Variants in SYCP1 observed in about 807,000 individuals in gnomAD.
The protein encoded by SYCP1 is synaptonemal complex protein 1.
In SYCP1, 64 loss-of-function variants were observed where a neutral mutation model predicts 153.1. The ratio of observed to expected loss-of-function variants is 0.42; its 90% CI spans 0.34 to 0.51. The LOEUF (loss-of-function observed/expected upper bound fraction) is 0.51. Ranked by LOEUF, SYCP1 falls within the 20% of genes least tolerant of loss-of-function variation. The pLI, the probability that SYCP1 is intolerant of heterozygous loss-of-function variation, is 0.06. For missense variants in SYCP1, 997 were observed against 1,049.0 expected, an observed-to-expected ratio of 0.95 and a Z score of 0.68; for synonymous variants, 384 against 341.8, an observed-to-expected ratio of 1.12 and a Z score of -1.36.
At chr1:114,946,881 A>C (rs1015620617) in intron 26 of SYCP1, among the ~76,000 whole-genome samples, 2 of 152,098 alleles carry the variant, frequency 1.3e-5, no homozygotes, top group African/African-American at 4.8e-5. Flanking sequence ...CTGGGACTAC[A>C]GGTGTGCATC....
intron 8 of SYCP1, among the ~76,000 whole-genome samples, chr1:114,866,896 C>A (rs1664784618): frequency 6.7e-6 from 1 of 148,896 alleles, no homozygotes; most frequent in African/African-American, 2.4e-5. Context: ...GATCTGTGTC[C>A]AGATTCTTTT....
chr1:114,938,269 C>G (rs1670156627), intron 23 of SYCP1, among the ~76,000 whole-genome samples: 1 of 152,008 alleles, frequency 6.6e-6, no homozygotes, highest in African/African-American at 2.4e-5. Context: ...AAGCTGGAAA[C>G]CATCATTCTG....
intron 20 of SYCP1, among the ~76,000 whole-genome samples, chr1:114,914,837 G>A (rs891761498): frequency 2.0e-5 from 3 of 152,074 alleles, no homozygotes; most frequent in African/African-American, 7.2e-5. Context: ...AGTTCAGACC[G>A]AGATGTACAA....
intron 16 of SYCP1, among the ~76,000 whole-genome samples, chr1:114,898,268 G>T (rs1345182298): frequency 1.3e-5 from 2 of 152,168 alleles, no homozygotes; most frequent in African/African-American, 4.8e-5. Flanking sequence ...TCCAACAAGG[G>T]AGAGAAAAGG....
intron 29 of SYCP1, among the ~76,000 whole-genome samples, chr1:114,984,163 C>T (rs1452626533): frequency 1.3e-5 from 2 of 151,972 alleles, no homozygotes; most frequent in African/African-American, 4.8e-5. Context: ...CCTTGGTCTT[C>T]CAAAGTGCTG....
chr1:114,874,499 A>C lies in SYCP1; in HGVS notation c.599-7A>C. 6.6e-7 allele frequency: 1 copy of C among 1,511,754 alleles called. No homozygotes were observed. Among genetic ancestry groups the C allele is most frequent in the Non-Finnish European group, 9.0e-7 (1 of 1,106,224 alleles). The allele number at this position is 1,511,754 out of a possible 1,614,324, so 93.6% of individuals were successfully genotyped here. A position where few individuals can be genotyped will look rare whatever the true frequency, so the allele number is the denominator to read the frequency against. ...ATTTAATCTTGAAATTTTTATATTA[A>C]CAATAGATGAATATGAACGGGAAGA... On this transcript the variant is annotated splice_polypyrimidine_tract_variant and splice_region_variant and intron_variant, in intron 8 of 31. Coordinates refer to ENST00000369522, the MANE Select transcript of SYCP1 (RefSeq NM_003176.4).
intron 27 of SYCP1, among the ~76,000 whole-genome samples, chr1:114,954,226 A>C (rs901149638): frequency 1.3e-5 from 2 of 152,174 alleles, no homozygotes; most frequent in African/African-American, 2.4e-5. Context: ...AGAACATTAA[A>C]AATCTTTTAG....
intron 27 of SYCP1, among the ~76,000 whole-genome samples, chr1:114,968,084 G>A (rs186721832): frequency 7.9e-5 from 12 of 152,240 alleles, no homozygotes; most frequent in Non-Finnish European, 1.3e-4. Context: ...TGGGTAACCC[G>A]ACCTTTCTCT....
intron 27 of SYCP1, among the ~76,000 whole-genome samples, chr1:114,976,450 T>C (rs182718587): frequency 6.6e-6 from 1 of 151,926 alleles, no homozygotes; most frequent in Non-Finnish European, 1.5e-5. Flanking sequence ...GTATGAGCTG[T>C]TTCATACCTT....
intron 16 of SYCP1, among the ~76,000 whole-genome samples, chr1:114,900,965 T>G (rs1440402994): frequency 6.6e-6 from 1 of 152,238 alleles, no homozygotes; most frequent in African/African-American, 2.4e-5. Flanking sequence ...TTACAAAGAT[T>G]AAAGTTATAT....
At chr1:114,990,552 T>C (rs2101983501) in intron 30 of SYCP1, among the ~76,000 whole-genome samples, 1 of 152,028 alleles carries the variant, frequency 6.6e-6, no homozygotes, top group South Asian at 2.1e-4. Flanking sequence ...TAGTTGGTTC[T>C]TTGAAAAGAT....
intron 8 of SYCP1, among the ~76,000 whole-genome samples, chr1:114,864,496 T>C (rs1664597363): frequency 6.6e-6 from 1 of 151,990 alleles, no homozygotes. Context: ...CTTTTCTTTT[T>C]TTGATGGGGG....
intron 27 of SYCP1, among the ~76,000 whole-genome samples, chr1:114,960,089 C>A (rs1475222878): frequency 1.3e-5 from 2 of 149,172 alleles, no homozygotes; most frequent in East Asian, 3.9e-4. Context: ...GATTTCTTTT[C>A]TTTTGGGTAT....
At chr1:114,958,066 A>G (rs1340156692) in intron 27 of SYCP1, among the ~76,000 whole-genome samples, 1 of 152,254 alleles carries the variant, frequency 6.6e-6, no homozygotes, top group Non-Finnish European at 1.5e-5. Context: ...GATAAAGAAA[A>G]TGTGGTATAC....
At chr1:114,966,657 G>A (rs1672148145) in intron 27 of SYCP1, among the ~76,000 whole-genome samples, 1 of 151,004 alleles carries the variant, frequency 6.6e-6, no homozygotes, top group South Asian at 2.1e-4. Context: ...GTGTGGTTTT[G>A]AGTGAATTCC....
rs554447333 is a variant in SYCP1, at chr1:114,865,094, G to T, written c.598+4285G>T. On this transcript the variant is annotated intron_variant, in intron 8 of 31. Coordinates refer to ENST00000369522, the MANE Select transcript of SYCP1 (RefSeq NM_003176.4). Reference sequence around the variant, plus strand: ...AGCTAGTTCTTTAAAAATTTGTAGTGTCACTTTCCAGAATTTTAAGTTCTT... The same window carrying T: ...AGCTAGTTCTTTAAAAATTTGTAGTTTCACTTTCCAGAATTTTAAGTTCTT... Among the ~76,000 whole-genome samples the T allele has an allele frequency of 2.0e-5, 3 of 152,166 alleles. No homozygotes were observed. In the East Asian group the frequency reaches 5.8e-4, roughly 29 times the overall value.
At chr1:114,964,173 T>C (rs1671956832) in intron 27 of SYCP1, among the ~76,000 whole-genome samples, 1 of 152,250 alleles carries the variant, frequency 6.6e-6, no homozygotes, top group African/African-American at 2.4e-5. Context: ...AATGTCTTCT[T>C]TTGAGAAGTG....
intron 12 of SYCP1, among the ~76,000 whole-genome samples, chr1:114,879,739 A>T (rs762153713): frequency 1.3e-5 from 2 of 152,210 alleles, no homozygotes; most frequent in Non-Finnish European, 1.5e-5. Context: ...ATACCCACTG[A>T]AGTGTGTTCA....
At chr1:114,982,853 C>T (rs1673255962) in intron 29 of SYCP1, among the ~76,000 whole-genome samples, 1 of 151,966 alleles carries the variant, frequency 6.6e-6, no homozygotes, top group South Asian at 2.1e-4. Flanking sequence ...ATCAGATTCT[C>T]TCCTATTCCC....
Sources: allele counts gnomAD v4.1 joint callset (sites outside exome capture counted in the v4.1 genomes callset), GRCh38; gene constraint gnomAD v4.1.1; transcripts MANE v1.5; gene names NCBI Gene and HGNC (gene_info 2026-07-23, HGNC 2026-07-21).